The following LEMD1 variants were observed in gnomAD, a reference collection of about 807,000 sequenced individuals.
LEMD1 encodes LEM domain-containing protein 1.
A neutral mutation model predicts 17.4 loss-of-function variants in LEMD1; 18 were observed. The observed-to-expected ratio is 1.04, with a 90% confidence interval of 0.72 to 1.54. The LOEUF is 1.54. Among genes scored for constraint, LEMD1 ranks in the 40% most tolerant of loss-of-function variants. The pLI is 0.00. For missense variants in LEMD1, 195 were observed against 210.4 expected, an observed-to-expected ratio of 0.93 and a Z score of 0.45; for synonymous variants, 88 against 77.8, an observed-to-expected ratio of 1.13 and a Z score of -0.69.
intron 4 of LEMD1, among the ~76,000 whole-genome samples, chr1:205,403,518 G>GTTTGTA (rs1664950343): frequency 6.6e-6 from 1 of 152,112 alleles, no homozygotes; most frequent in Non-Finnish European, 1.5e-5. Flanking sequence ...TGTGATGGTA[G>GTTTGTA]TTTGTATTTC....
At chr1:205,407,427 C>G (rs918560509) in intron 4 of LEMD1, among the ~76,000 whole-genome samples, 1 of 151,924 alleles carries the variant, frequency 6.6e-6, no homozygotes, top group Non-Finnish European at 1.5e-5. Flanking sequence ...CACTGATAGC[C>G]AATGATTCAG....
At chr1:205,403,866 G>A (rs1015230245) in intron 4 of LEMD1, among the ~76,000 whole-genome samples, 1 of 151,846 alleles carries the variant, frequency 6.6e-6, no homozygotes, top group African/African-American at 2.4e-5. Context: ...TCTACACACT[G>A]CTTTGAATGT....
upstream of LEMD1, among the ~76,000 whole-genome samples, chr1:205,423,022 GT>G (rs1364962232): frequency 6.6e-6 from 1 of 152,172 alleles, no homozygotes; most frequent in Non-Finnish European, 1.5e-5. Context: ...TTATATAAAT[GT>G]TTTCTATTAT....
intron 1 of LEMD1, chr1:205,435,717 G>C (rs2102458089): frequency 6.6e-6 from 1 of 152,330 alleles, no homozygotes; most frequent in South Asian, 2.1e-4. Context: ...TCATACCTGT[G>C]TAGGAAAAAA....
chr1:205,418,851 C>G (rs58501412), intron 3 of LEMD1, among the ~76,000 whole-genome samples: 1 of 152,086 alleles, frequency 6.6e-6, no homozygotes, highest in Non-Finnish European at 1.5e-5. Context: ...ATCATTTAAT[C>G]CCCCCAAAAT....
chr1:205,418,615 A>G (rs1574993367), intron 3 of LEMD1, among the ~76,000 whole-genome samples: 1 of 152,138 alleles, frequency 6.6e-6, no homozygotes, highest in East Asian at 1.9e-4. Context: ...TCCCTGGTTC[A>G]GGCGATTCTC....
At position 205,397,560 on chromosome 1, in the gene LEMD1, C is replaced by A. The variant is rs780257442; in HGVS notation, c.271-13196G>T. 2.0e-5 allele frequency among the ~76,000 whole-genome samples: 3 copies of A among 152,166 alleles called. No individual in the cohort carries two copies. The East Asian group carries it at 5.8e-4, about 29-fold the overall frequency. Reference sequence around the variant, plus strand: ...GAGCTATGATCACACCACTGCACTTCAATCTGGGAGATAGAGTGAGACCCT... The same window carrying A: ...GAGCTATGATCACACCACTGCACTTAAATCTGGGAGATAGAGTGAGACCCT... On this transcript the variant is annotated intron_variant, in intron 4 of 5. Transcript: ENST00000367153.
intron 4 of LEMD1, among the ~76,000 whole-genome samples, chr1:205,398,993 T>C (rs1664713291): frequency 6.6e-6 from 1 of 152,094 alleles, no homozygotes; most frequent in African/African-American, 2.4e-5. Flanking sequence ...GGCGGGTGGA[T>C]CACCTGAGGT....
rs922761935 is a variant in LEMD1 at position 205,441,392 on chromosome 1, T to G, written c.-39+8476A>C. On this transcript the variant is annotated intron_variant, in intron 1 of 3. Coordinates refer to the LEMD1 transcript ENST00000367154. The surrounding 1 kb of genome is among the most constrained non-coding windows in gnomAD (Gnocchi z 4.3). ...CTGCCCCACCTCATCACCATATACC[T>G]GTGGTTGGGGAACAGGAAGCAAGCT... Among the ~76,000 whole-genome samples, 10 of 152,000 alleles carry G rather than the reference T, an allele frequency of 6.6e-5. No homozygotes were observed. Among genetic ancestry groups the G allele is most frequent in the Admixed American group, 4.6e-4 (7 of 15,254 alleles).
At chr1:205,411,762 C>T (rs1388045126) in intron 4 of LEMD1, among the ~76,000 whole-genome samples, 1 of 151,650 alleles carries the variant, frequency 6.6e-6, no homozygotes, top group Non-Finnish European at 1.5e-5. Flanking sequence ...GGGCCCAGAC[C>T]CACAGAATGT....
At chr1:205,385,802 C>T (rs918503737) in intron 4 of LEMD1, 2 of 152,296 alleles carry the variant, frequency 1.3e-5, no homozygotes, top group African/African-American at 4.8e-5. Context: ...GACCCTTGAA[C>T]ATAAGAGGCG....
intron 2 of LEMD1, among the ~76,000 whole-genome samples, chr1:205,419,553 C>T (rs1665861471): frequency 6.6e-6 from 1 of 152,196 alleles, no homozygotes; most frequent in African/African-American, 2.4e-5. Context: ...AAGCCTCTGC[C>T]TCCCATATTC....
chr1:205,444,972 G>A (rs949942843), intron 1 of LEMD1, among the ~76,000 whole-genome samples: 2 of 150,838 alleles, frequency 1.3e-5, no homozygotes, highest in Non-Finnish European at 2.9e-5. Flanking sequence ...GAACAAAGCT[G>A]AGCCCTCCGC....
intron 5 of LEMD1, among the ~76,000 whole-genome samples, chr1:205,383,228 G>A (rs1663809905): frequency 6.6e-6 from 1 of 152,054 alleles, no homozygotes; most frequent in Admixed American, 6.6e-5. Context: ...CAGGTAACTG[G>A]GACTGTAGGC....
At chr1:205,443,495 G>GCTGGCCTACACATC (rs1370994131) in intron 1 of LEMD1, among the ~76,000 whole-genome samples, 3 of 152,168 alleles carry the variant, frequency 2.0e-5, no homozygotes, top group Non-Finnish European at 4.4e-5. Context: ...CACATCAGAG[G>GCTGGCCTACACATC]AAAGGAGAGC....
chr1:205,449,676 G>A lies in LEMD1; in HGVS notation c.-39+192C>T, dbSNP rs539958424. Among the ~76,000 whole-genome samples, 321 of 152,120 alleles carry A rather than the reference G, an allele frequency of 2.1e-3. 2 individuals are homozygous for A. The highest frequency in any genetic ancestry group is 4.1e-3 in the Admixed American group (63 of 15,290). ...AGGGCCAAACAACCAGGCATCCTGC[G>A]GCCTCCCACCTGAACTTTGGGCCAT... On this transcript the variant is annotated intron_variant, in intron 1 of 3. Transcript: ENST00000367154.
chr1:205,405,753 G>A (rs772161409), intron 4 of LEMD1, among the ~76,000 whole-genome samples: 13 of 151,386 alleles, frequency 8.6e-5, no homozygotes, highest in African/African-American at 3.2e-4. Context: ...GAGGAACTGC[G>A]TTCCTTTGGA....
chr1:205,424,138 T>C (rs1386097465), upstream of LEMD1, among the ~76,000 whole-genome samples: 1 of 152,170 alleles, frequency 6.6e-6, no homozygotes, highest in Non-Finnish European at 1.5e-5. Context: ...AGATTTGCAG[T>C]TGCAATTGCC....
chr1:205,386,677 G>A (rs1338400339), intron 4 of LEMD1: 1 of 152,208 alleles, frequency 6.6e-6, no homozygotes, highest in Non-Finnish European at 1.5e-5. Flanking sequence ...GCATATGTGG[G>A]AAGTTGTGCA....
Sources: gnomAD v4.1 joint callset for allele counts (sites outside exome capture counted in the v4.1 genomes callset) on GRCh38, gnomAD v4.1.1 for gene constraint, Gnocchi (gnomAD v3.1) non-coding constraint, MANE v1.5 for transcripts, NCBI Gene and HGNC (gene_info 2026-07-23, HGNC 2026-07-21) for gene names.